ARIH1: variants seen among roughly 807,000 people sequenced by gnomAD.
The protein encoded by ARIH1 is ariadne RBR E3 ubiquitin protein ligase 1.
Under a neutral mutation model 85.0 loss-of-function variants are expected in ARIH1, and 8 were observed. The observed-to-expected ratio is 0.09, with a 90% CI of 0.06 to 0.17. The LOEUF is 0.17. Among genes scored for constraint, ARIH1 ranks in the 10% least tolerant of loss-of-function variants. The probability of loss-of-function intolerance (pLI) is 1.00; values close to 1 mark genes in which losing one functional copy is unlikely to be tolerated. For missense variants in ARIH1, 311 were observed against 718.1 expected (o/e 0.43, Z 6.48); for synonymous variants, 238 against 253.6 (o/e 0.94, Z 0.59).
chr15:72,544,625 A>ATG (rs1273637778), intron 2 of ARIH1, among the ~76,000 whole-genome samples, 195 bp from the exon 3 acceptor site: 1 of 151,338 alleles, frequency 6.6e-6, no homozygotes, highest in African/African-American at 2.5e-5. Context: ...ATATATATAT[A>ATG]TGCACATGTA....
At position 72,585,411 on chromosome 15, in the gene ARIH1, G is replaced by GT. The variant is rs530140295; in HGVS notation, c.*2126dup. On this transcript the variant is annotated 3_prime_UTR_variant, in exon 14 of 14. Coordinates refer to ENST00000379887, the MANE Select transcript of ARIH1 (RefSeq NM_005744.5). ...AAAAGATATACATTAAAACTAAGGA[G>GT]TTTTTTTAAAGAAAGCCTGAATAAG... 7 of 151,888 alleles carry GT rather than the reference G, an allele frequency of 4.6e-5. No individual in the cohort carries two copies. Among genetic ancestry groups the GT allele is most frequent in the Admixed American group, 3.9e-4 (6 of 15,224 alleles). 9.4% of individuals were successfully genotyped at this position (151,888 alleles called of 1,614,324 possible). A position where few individuals can be genotyped will look rare whatever the true frequency, so the allele number is the denominator to read the frequency against.
intron 1 of ARIH1, among the ~76,000 whole-genome samples, chr15:72,515,680 C>T (rs1378252017): frequency 1.3e-5 from 2 of 152,154 alleles, no homozygotes; most frequent in Non-Finnish European, 2.9e-5. Flanking sequence ...AAAGTCTTTG[C>T]CATGTTGTTT....
At chr15:72,557,861 A>G (rs2064181572) in intron 5 of ARIH1, among the ~76,000 whole-genome samples, 1 of 152,204 alleles carries the variant, frequency 6.6e-6, no homozygotes, top group African/African-American at 2.4e-5. Flanking sequence ...TGTTATTGGT[A>G]TATATTAAAT....
chr15:72,485,788 A>G (rs1157489831), intron 1 of ARIH1, among the ~76,000 whole-genome samples: 1 of 152,180 alleles, frequency 6.6e-6, no homozygotes, highest in Non-Finnish European at 1.5e-5. Flanking sequence ...TACACAACTC[A>G]TCGTTTGATC....
At position 72,588,826 on chromosome 15, in the gene ARIH1, C is replaced by T. The variant is rs893588504; in HGVS notation, c.*5534C>T. On this transcript the variant is annotated 3_prime_UTR_variant, in exon 14 of 14. Transcript: ENST00000379887. ...GCCATGTTGATTGGCAGTACATTCT[C>T]TTACCAAGGGGGAGAAATCTATCTA... The T allele has an allele frequency of 4.6e-5, 7 of 152,192 alleles. No homozygotes were observed. Among genetic ancestry groups the T allele is most frequent in the Non-Finnish European group, 8.8e-5 (6 of 68,034 alleles). The allele number at this position is 152,192 out of a possible 1,614,324, so 9.4% of individuals were successfully genotyped here.
intron 2 of ARIH1, among the ~76,000 whole-genome samples, chr15:72,530,690 G>C (rs1248226424): frequency 1.3e-5 from 2 of 152,092 alleles, no homozygotes; most frequent in African/African-American, 4.8e-5. Flanking sequence ...CTATCACCAG[G>C]GAGCTGTCAT....
intron 7 of ARIH1, chr15:72,566,327 G>A (rs1346427533): frequency 2.7e-5 from 12 of 444,850 alleles, no homozygotes; most frequent in Admixed American, 4.4e-5. Flanking sequence ...TCATCAAAGC[G>A]TGTCTTCATG....
At chr15:72,565,620 A>C (rs1371776037) in intron 7 of ARIH1, among the ~76,000 whole-genome samples, 1 of 152,230 alleles carries the variant, frequency 6.6e-6, no homozygotes, top group African/African-American at 2.4e-5. Context: ...GGTGGATAAT[A>C]CCTACTTTCC....
At position 72,588,807 on chromosome 15, in the gene ARIH1, T is replaced by C. The variant is rs2064328749; in HGVS notation, c.*5515T>C. 1 of 152,198 alleles carries C rather than the reference T, an allele frequency of 6.6e-6. No homozygotes were observed. Among genetic ancestry groups the C allele is most frequent in the African/African-American group, 2.4e-5 (1 of 41,436 alleles). The allele number at this position is 152,198 out of a possible 1,614,324, so 9.4% of individuals were successfully genotyped here. ...GAAGTAGAACTGACAAGCAGCCATG[T>C]TGATTGGCAGTACATTCTCTTACCA... On this transcript the variant is annotated 3_prime_UTR_variant, in exon 14 of 14. Coordinates refer to ENST00000379887, the MANE Select transcript of ARIH1 (RefSeq NM_005744.5).
intron 1 of ARIH1, among the ~76,000 whole-genome samples, chr15:72,504,412 A>G (rs995168403): frequency 2.0e-5 from 3 of 152,072 alleles, no homozygotes; most frequent in African/African-American, 7.2e-5. Context: ...CTGGTGTCCA[A>G]GAAAAATGAG....
intron 1 of ARIH1, among the ~76,000 whole-genome samples, chr15:72,497,399 TTAAG>T (rs1158364608): frequency 6.6e-6 from 1 of 152,230 alleles, no homozygotes; most frequent in African/African-American, 2.4e-5. Context: ...TACCATTTAC[TTAAG>T]TATTTGTATC....
Position 72,474,591 on chromosome 15 carries a change from CCCTCTCCCCG to C in ARIH1, c.-44_-35del. On this transcript the variant is annotated 5_prime_UTR_variant, in exon 1 of 14. Coordinates refer to ENST00000379887, the MANE Select transcript of ARIH1 (RefSeq NM_005744.5). Reference sequence around the variant, plus strand: ...GAGAGCCGGGGCCTCGGCGTCCCCGCCCTCTCCCCGCCTCGGCCAGCGTCCGCCGGGCCCC... The same window carrying C: ...GAGAGCCGGGGCCTCGGCGTCCCCGCCCTCGGCCAGCGTCCGCCGGGCCCC... 1 of 1,489,438 alleles carries C rather than the reference CCCTCTCCCCG, an allele frequency of 6.7e-7. No homozygotes were observed. The highest frequency in any genetic ancestry group is 8.9e-7 in the Non-Finnish European group (1 of 1,122,870). The allele number at this position is 1,489,438 out of a possible 1,614,324, so 92.3% of individuals were successfully genotyped here.
intron 1 of ARIH1, among the ~76,000 whole-genome samples, chr15:72,507,394 C>T (rs1039385162): frequency 5.3e-5 from 8 of 152,080 alleles, no homozygotes; most frequent in Non-Finnish European, 1.0e-4. Flanking sequence ...ATGTGTGCAT[C>T]CAGATTATGA....
At chr15:72,487,785 A>T (rs990145417) in intron 1 of ARIH1, among the ~76,000 whole-genome samples, 8 of 152,148 alleles carry the variant, frequency 5.3e-5, no homozygotes, top group Admixed American at 3.9e-4. Flanking sequence ...TACCAAACAC[A>T]AATTTAATAG....
At chr15:72,524,905 G>A (rs961177171) in intron 2 of ARIH1, among the ~76,000 whole-genome samples, 1 of 151,976 alleles carries the variant, frequency 6.6e-6, no homozygotes, top group Non-Finnish European at 1.5e-5. Context: ...TTCCTTTTGA[G>A]ACAGGGTCTC....
intron 2 of ARIH1, among the ~76,000 whole-genome samples, chr15:72,524,586 G>C (rs1182862858): frequency 3.3e-5 from 5 of 152,186 alleles, no homozygotes; most frequent in Non-Finnish European, 5.9e-5. Context: ...TAGAAAAATA[G>C]AGTAAACCCA....
At chr15:72,537,901 C>G (rs1349218989) in intron 2 of ARIH1, among the ~76,000 whole-genome samples, 5 of 152,162 alleles carry the variant, frequency 3.3e-5, no homozygotes, top group African/African-American at 1.2e-4. Context: ...TGTGTATATA[C>G]ATTTTCATAC....
chr15:72,533,687 G>T (rs773984777), intron 2 of ARIH1, among the ~76,000 whole-genome samples: 1 of 152,144 alleles, frequency 6.6e-6, no homozygotes, highest in East Asian at 1.9e-4. Flanking sequence ...TGGGAGAATC[G>T]CTTGAGGCCA....
intron 5 of ARIH1, among the ~76,000 whole-genome samples, chr15:72,558,502 A>G (rs752932908): frequency 6.6e-6 from 1 of 152,192 alleles, no homozygotes; most frequent in Non-Finnish European, 1.5e-5. Flanking sequence ...GAGTTTCGTC[A>G]TGTTGGCCAG....
Sources: gnomAD v4.1 joint callset for allele counts (sites outside exome capture counted in the v4.1 genomes callset) on GRCh38, gnomAD v4.1.1 for gene constraint, MANE v1.5 for transcripts, NCBI Gene and HGNC (gene_info 2026-07-23, HGNC 2026-07-21) for gene names.